The following KIAA1217 variants were observed in gnomAD, a reference collection of about 807,000 sequenced individuals.
KIAA1217 encodes sickle tail protein homolog.
In KIAA1217, 88 loss-of-function variants were observed where a neutral mutation model predicts 163.9. The observed-to-expected ratio is 0.54, with a 90% confidence interval of 0.45 to 0.64. The LOEUF is 0.64. Among genes scored for constraint, KIAA1217 ranks in the 30% least tolerant of loss-of-function variants. The probability of loss-of-function intolerance (pLI) is 0.00; values close to 1 mark genes in which losing one functional copy is unlikely to be tolerated. For missense variants in KIAA1217, 2,372 were observed against 2,475.0 expected (o/e 0.96, Z 0.88); for synonymous variants, 903 against 923.1 (o/e 0.98, Z 0.39).
At chr10:23,816,284 T>G (rs2130997502) in intron 1 of KIAA1217, among the ~76,000 whole-genome samples, 1 of 152,068 alleles carries the variant, frequency 6.6e-6, no homozygotes, top group Non-Finnish European at 1.5e-5. Context: ...CTTTTTGTTG[T>G]TGTTGTTGTT....
chr10:24,209,913 C>A (rs2067850947), intron 1 of KIAA1217, among the ~76,000 whole-genome samples: 1 of 152,130 alleles, frequency 6.6e-6, no homozygotes, highest in Non-Finnish European at 1.5e-5. Context: ...CTTGTCTTTT[C>A]CGTAGGGAAT....
intron 9 of KIAA1217, among the ~76,000 whole-genome samples, chr10:24,510,268 A>G (rs1395292087): frequency 6.6e-6 from 1 of 152,136 alleles, no homozygotes; most frequent in Non-Finnish European, 1.5e-5. Context: ...CCACCTTTCA[A>G]TTTTATGAAT....
intron 1 of KIAA1217, among the ~76,000 whole-genome samples, chr10:23,955,838 T>C (rs1310945682): frequency 6.6e-6 from 1 of 152,200 alleles, no homozygotes; most frequent in African/African-American, 2.4e-5. Flanking sequence ...TCCCTTTCGG[T>C]TCATTTTATC....
At chr10:24,412,169 T>A (rs2057841002) in intron 3 of KIAA1217, among the ~76,000 whole-genome samples, 1 of 121,456 alleles carries the variant, frequency 8.2e-6, no homozygotes, top group East Asian at 2.2e-4. Context: ...ATCACAAAAA[T>A]GTTTGGTCCA....
At chr10:23,965,900 A>G (rs1445180358) in intron 1 of KIAA1217, among the ~76,000 whole-genome samples, 1 of 152,210 alleles carries the variant, frequency 6.6e-6, no homozygotes, top group Non-Finnish European at 1.5e-5. Context: ...ACTTTCAGCA[A>G]GAGTGGGTAA....
intron 1 of KIAA1217, among the ~76,000 whole-genome samples, chr10:23,991,658 C>T (rs138491223): frequency 6.6e-5 from 10 of 152,112 alleles, no homozygotes; most frequent in East Asian, 3.9e-4. Flanking sequence ...ATATCTAGAA[C>T]GTATCTATCC....
At chr10:23,766,577 T>C (rs530604753) in intron 1 of KIAA1217, among the ~76,000 whole-genome samples, 1 of 149,164 alleles carries the variant, frequency 6.7e-6, no homozygotes, top group African/African-American at 2.5e-5. Context: ...TCTTTTTTTT[T>C]TCTTTCTTTC....
rs557056152 is a variant in KIAA1217 at position 24,475,973 on chromosome 10, T to C, written c.1679+1913T>C. Among the ~76,000 whole-genome samples, 54 of 152,284 alleles carry C rather than the reference T, an allele frequency of 3.5e-4. 1 individual carries two copies. Among genetic ancestry groups the C allele is most frequent in the African/African-American group, 1.3e-3 (53 of 41,560 alleles). ...AAGATAATTTGTCTCCTGCATATAATGTTGAGAGCCAGAATCCTACCTCCC... is the reference window on the plus strand; with the variant it reads ...AAGATAATTTGTCTCCTGCATATAACGTTGAGAGCCAGAATCCTACCTCCC... On this transcript the variant is annotated intron_variant, in intron 6 of 20. Coordinates refer to ENST00000376454, the MANE Select transcript of KIAA1217 (RefSeq NM_019590.5).
chr10:24,546,727 T>C lies in KIAA1217; in HGVS notation c.*403T>C, dbSNP rs1298612025. On this transcript the variant is annotated 3_prime_UTR_variant, in exon 21 of 21. Coordinates refer to ENST00000376454, the MANE Select transcript of KIAA1217 (RefSeq NM_019590.5). ...AAGTGAACAGAGAATTACACAAGTG[T>C]GACTATACAAATTGTAAAACAGATA... is the stretch of plus-strand genomic sequence containing the variant. 6.3e-6 allele frequency: 1 copy of C among 159,290 alleles called. No homozygotes were observed. Among genetic ancestry groups the C allele is most frequent in the African/African-American group, 2.4e-5 (1 of 41,668 alleles). The allele number at this position is 159,290 out of a possible 1,614,324, so 9.9% of individuals were successfully genotyped here.
At chr10:24,087,364 AT>A (rs1189217855) in intron 2 of KIAA1217, among the ~76,000 whole-genome samples, 10 of 152,184 alleles carry the variant, frequency 6.6e-5, no homozygotes, top group African/African-American at 2.4e-4. Flanking sequence ...GCCTTACATA[AT>A]TTAAGCTTTC....
intron 1 of KIAA1217, among the ~76,000 whole-genome samples, chr10:23,936,996 A>T (rs1843558640): frequency 6.6e-6 from 1 of 152,008 alleles, no homozygotes; most frequent in East Asian, 1.9e-4. Context: ...CTCCTTCCTC[A>T]GTCACATGAG....
chr10:24,116,329 A>C (rs2063052640), intron 2 of KIAA1217, among the ~76,000 whole-genome samples: 1 of 152,130 alleles, frequency 6.6e-6, no homozygotes, highest in Non-Finnish European at 1.5e-5. Context: ...TCTATCATAC[A>C]GAGGAGGAGT....
chr10:24,142,709 C>T (rs1564749570), intron 2 of KIAA1217, among the ~76,000 whole-genome samples: 1 of 152,190 alleles, frequency 6.6e-6, no homozygotes, highest in Non-Finnish European at 1.5e-5. Context: ...CAACCTTGAA[C>T]ATTGTCAAGA....
chr10:23,790,400 C>T lies in KIAA1217; in HGVS notation c.-321+95166C>T, dbSNP rs1354580646. On this transcript the variant is annotated intron_variant, in intron 1 of 18. Transcript: ENST00000376462. ...ATGTATATATACATATGTATATATA[C>T]ATATATACATATACATATATACATA... Among the ~76,000 whole-genome samples the T allele has an allele frequency of 2.7e-4, 27 of 98,440 alleles. 7 individuals are homozygous for T. Among genetic ancestry groups the T allele is most frequent in the Non-Finnish European group, 5.4e-4 (27 of 49,752 alleles). The allele number at this position is 98,440 out of a possible 152,430, so 64.6% of individuals were successfully genotyped here. A position where few individuals can be genotyped will look rare whatever the true frequency, so the allele number is the denominator to read the frequency against.
intron 5 of KIAA1217, among the ~76,000 whole-genome samples, chr10:24,459,052 C>A (rs999537286): frequency 1.3e-5 from 2 of 152,096 alleles, no homozygotes; most frequent in African/African-American, 4.8e-5. Flanking sequence ...GGATGTTAGA[C>A]CCAGTAATCT....
At chr10:23,781,998 T>C (rs1835279473) in intron 1 of KIAA1217, among the ~76,000 whole-genome samples, 1 of 152,174 alleles carries the variant, frequency 6.6e-6, no homozygotes, top group South Asian at 2.1e-4. Context: ...AATCAAGAAG[T>C]GCAATACCCC....
chr10:24,047,626 C>T (rs1189342443), intron 2 of KIAA1217, among the ~76,000 whole-genome samples: 2 of 152,122 alleles, frequency 1.3e-5, no homozygotes, highest in African/African-American at 2.4e-5. Flanking sequence ...TATTATCAGC[C>T]CCTGGTTGAT....
At position 24,463,300 on chromosome 10, in the gene KIAA1217, G is replaced by C. The variant is rs143475533; in HGVS notation, c.847-9928G>C. On this transcript the variant is annotated intron_variant, in intron 5 of 20. Coordinates refer to ENST00000376454, the MANE Select transcript of KIAA1217 (RefSeq NM_019590.5). ...GTTGGACCCAGGACTGGTCAGCCAGGTCTGGCCACTGGAGGGCTCAGTAGA... is the reference window on the plus strand; with the variant it reads ...GTTGGACCCAGGACTGGTCAGCCAGCTCTGGCCACTGGAGGGCTCAGTAGA... Among the ~76,000 whole-genome samples, 410 of 152,310 alleles carry C rather than the reference G, an allele frequency of 2.7e-3. 2 individuals carry two copies. The highest frequency in any genetic ancestry group is 9.7e-3 in the African/African-American group (404 of 41,550).
At chr10:24,084,800 A>G (rs1315666303) in intron 2 of KIAA1217, among the ~76,000 whole-genome samples, 9 of 152,090 alleles carry the variant, frequency 5.9e-5, no homozygotes, top group Admixed American at 2.6e-4. Context: ...CCTTTGCCGC[A>G]TCTGACTCAG....
Sources: allele counts gnomAD v4.1 joint callset (sites outside exome capture counted in the v4.1 genomes callset), GRCh38; gene constraint gnomAD v4.1.1; transcripts MANE v1.5; gene names NCBI Gene and HGNC (gene_info 2026-07-23, HGNC 2026-07-21).